Variants in KYNU observed in about 807,000 individuals in gnomAD.
The protein encoded by KYNU is L-kynurenine hydrolase.
A neutral mutation model predicts 59.2 loss-of-function variants in KYNU; 54 were observed. The observed-to-expected ratio is 0.91, with a 90% CI of 0.73 to 1.14. The LOEUF is 1.14. Ranked by LOEUF, KYNU falls within the 50% of genes most tolerant of loss-of-function variation. KYNU has a pLI of 0.00. For missense variants in KYNU, 567 were observed against 554.4 expected (o/e 1.02, Z -0.23); for synonymous variants, 177 against 192.0 (o/e 0.92, Z 0.65).
At chr2:143,031,775 C>T (rs1400493831) in intron 11 of KYNU, among the ~76,000 whole-genome samples, 1 of 152,032 alleles carries the variant, frequency 6.6e-6, no homozygotes, top group Non-Finnish European at 1.5e-5. Flanking sequence ...GGCCATATGG[C>T]CATATATTAG....
At chr2:142,969,242 G>GTA (rs1351906398) in intron 8 of KYNU, among the ~76,000 whole-genome samples, 1 of 152,026 alleles carries the variant, frequency 6.6e-6, no homozygotes, top group African/African-American at 2.4e-5. Flanking sequence ...ATATGTACGT[G>GTA]TATATATATA....
chr2:143,046,856 A>C lies in KYNU; in HGVS notation c.*4684A>C, dbSNP rs1213335929. On this transcript the variant is annotated 3_prime_UTR_variant, in exon 14 of 14. Coordinates refer to ENST00000264170, the MANE Select transcript of KYNU (RefSeq NM_003937.3). ...TCCATAAAACCCCTGTTGGGATTTC[A>C]ATTGAACTGCAATTAAATTTTAGAT... The C allele has an allele frequency of 2.0e-5, 3 of 152,144 alleles. No homozygotes were observed. The East Asian group carries it at 5.8e-4, about 29-fold the overall frequency. The allele number at this position is 152,144 out of a possible 1,614,324, so 9.4% of individuals were successfully genotyped here.
intron 10 of KYNU, among the ~76,000 whole-genome samples, chr2:142,995,107 A>G (rs1337397969): frequency 6.6e-6 from 1 of 152,100 alleles, no homozygotes; most frequent in Non-Finnish European, 1.5e-5. Flanking sequence ...TTATTTTACC[A>G]ATATTTCAAA....
At chr2:142,974,819 T>C (rs541391779) in intron 8 of KYNU, among the ~76,000 whole-genome samples, 2 of 152,304 alleles carry the variant, frequency 1.3e-5, no homozygotes, top group South Asian at 2.1e-4. Context: ...AGGGTTTTTA[T>C]TGAAAGACAA....
intron 4 of KYNU, among the ~76,000 whole-genome samples, chr2:142,939,461 G>A (rs1036598548): frequency 2.6e-5 from 4 of 151,650 alleles, no homozygotes; most frequent in African/African-American, 7.3e-5. Flanking sequence ...AATTAGCCGG[G>A]CATTGTGGCA....
intron 2 of KYNU, among the ~76,000 whole-genome samples, chr2:142,885,784 G>C (rs961224472): frequency 2.0e-5 from 3 of 152,118 alleles, no homozygotes; most frequent in Non-Finnish European, 4.4e-5. Flanking sequence ...CTACTTCTCT[G>C]AACAATTGAG....
At chr2:143,000,916 G>C (rs1450751132) in intron 10 of KYNU, among the ~76,000 whole-genome samples, 2 of 152,038 alleles carry the variant, frequency 1.3e-5, no homozygotes, top group Non-Finnish European at 2.9e-5. Context: ...CCTTGTAATT[G>C]CTTCAATATT....
At chr2:143,020,978 A>G (rs1318815022) in intron 10 of KYNU, among the ~76,000 whole-genome samples, 1 of 152,198 alleles carries the variant, frequency 6.6e-6, no homozygotes, top group Non-Finnish European at 1.5e-5. Context: ...ATTTTTGTCA[A>G]TCTGAGAGGT....
At chr2:142,950,610 C>T (rs951931193) in intron 4 of KYNU, among the ~76,000 whole-genome samples, 7 of 152,130 alleles carry the variant, frequency 4.6e-5, no homozygotes, top group Admixed American at 6.5e-5. Context: ...GATTACGTCC[C>T]GCCAGGTCCC....
At chr2:142,986,760 G>A (rs187949700) in intron 10 of KYNU, among the ~76,000 whole-genome samples, 1 of 151,646 alleles carries the variant, frequency 6.6e-6, no homozygotes, top group East Asian at 1.9e-4. Context: ...TGGAGTATGT[G>A]TGGTGAGGAG....
intron 10 of KYNU, among the ~76,000 whole-genome samples, chr2:143,006,141 G>T (rs1162440380): frequency 2.6e-5 from 4 of 152,144 alleles, no homozygotes; most frequent in African/African-American, 9.6e-5. Flanking sequence ...TCCATCTGAG[G>T]TACCGGGTTC....
intron 2 of KYNU, among the ~76,000 whole-genome samples, chr2:142,897,753 T>C (rs1036798776): frequency 3.3e-5 from 5 of 152,232 alleles, no homozygotes; most frequent in African/African-American, 1.2e-4. Flanking sequence ...CATAATATGT[T>C]AACATTTTAA....
At position 143,019,245 on chromosome 2, in the gene KYNU, G is replaced by T. The variant is rs184113504; in HGVS notation, c.903-10382G>T. On this transcript the variant is annotated intron_variant, in intron 10 of 13. Coordinates refer to ENST00000264170, the MANE Select transcript of KYNU (RefSeq NM_003937.3). ...GAAAAAAGGCTTTCAATTTTTCGCT[G>T]TTCAATTTGATGTAAGCTGTGGGTT... 1.7e-3 allele frequency among the ~76,000 whole-genome samples: 264 copies of T among 152,098 alleles called. 2 individuals are homozygous for T. Among genetic ancestry groups the T allele is most frequent in the South Asian group, 6.2e-3 (30 of 4,820 alleles).
At chr2:142,999,172 G>A (rs779403373) in intron 10 of KYNU, among the ~76,000 whole-genome samples, 2 of 152,054 alleles carry the variant, frequency 1.3e-5, no homozygotes, top group Non-Finnish European at 2.9e-5. Flanking sequence ...GCTCCCGATG[G>A]TTTTGCATTT....
chr2:142,885,603 T>G, intron 2 of KYNU, 67 bp downstream of exon 2: 1 of 1,323,752 alleles, frequency 7.6e-7, no homozygotes, highest in Admixed American at 2.0e-5. Context: ...ATGTGTTTAT[T>G]ATAATCTTTG....
At chr2:143,013,635 C>T (rs565627675) in intron 10 of KYNU, among the ~76,000 whole-genome samples, 1 of 152,316 alleles carries the variant, frequency 6.6e-6, no homozygotes, top group East Asian at 1.9e-4. Flanking sequence ...CCTGAACCCA[C>T]ATCTGTTTCT....
At chr2:142,901,689 C>T (rs1254781509) in intron 2 of KYNU, among the ~76,000 whole-genome samples, 1 of 151,962 alleles carries the variant, frequency 6.6e-6, no homozygotes, top group East Asian at 1.9e-4. Flanking sequence ...GTATATTTAC[C>T]CTTTTCCCTT....
intron 12 of KYNU, among the ~76,000 whole-genome samples, chr2:143,038,342 G>A (rs945439542): frequency 4.6e-5 from 7 of 152,044 alleles, no homozygotes; most frequent in South Asian, 2.1e-4. Context: ...GCTGTGGCCC[G>A]TGCCTTGCCT....
intron 2 of KYNU, among the ~76,000 whole-genome samples, chr2:142,906,015 CCTCTCTGTCTCTTTCTCTCCCTTTTCTCT>C (rs1682282211): frequency 6.6e-6 from 1 of 151,840 alleles, no homozygotes; most frequent in Non-Finnish European, 1.5e-5. Flanking sequence ...CTCTCTCTCT[CCTCTCTGTCTCTTTCTCTCCCTTTTCTCT>C]CTCTCTGCCT....
Sources: allele counts gnomAD v4.1 joint callset (sites outside exome capture counted in the v4.1 genomes callset), GRCh38; gene constraint gnomAD v4.1.1; transcripts MANE v1.5; gene names NCBI Gene and HGNC (gene_info 2026-07-23, HGNC 2026-07-21).